The following PML variants were observed in gnomAD, a reference collection of about 807,000 sequenced individuals.
PML encodes the protein protein PML.
In PML, 28 loss-of-function variants were observed where a neutral mutation model predicts 65.2. That is an observed-to-expected ratio of 0.43 (90% CI 0.32 to 0.59). PML has a LOEUF of 0.59. Among genes scored for constraint, PML ranks in the 20% least tolerant of loss-of-function variants. PML has a pLI of 0.08. For missense variants in PML, 1,021 were observed against 1,203.4 expected (o/e 0.85, Z 2.24); for synonymous variants, 500 against 508.8 (o/e 0.98, Z 0.23).
chr15:74,033,275 G>C lies in PML; in HGVS notation c.1518G>C (p.Pro506=), dbSNP rs377287687. 15 of 1,614,188 alleles carry C rather than the reference G, an allele frequency of 9.3e-6. No individual in the cohort carries two copies. Among genetic ancestry groups the C allele is most frequent in the Non-Finnish European group, 1.2e-5 (14 of 1,180,014 alleles). ...GKEARLARSS[P]EQPRPSTSKA... ...AGGCAAGGTTGGCTCGGAGCTCCCC[G>C]GAGCAGCCCAGGCCCAGCACCTCCA... The change falls in exon 6 of 9, where the codon CCG becomes CCC. Residue 506 remains proline, a synonymous_variant. Transcript: ENST00000268058.
intron 2 of PML, among the ~76,000 whole-genome samples, chr15:74,011,791 G>A (rs78931175): frequency 1.3e-5 from 2 of 152,326 alleles, no homozygotes; most frequent in African/African-American, 4.8e-5. Context: ...CAAACAAGGC[G>A]AGAGGCCAGA....
intron 7 of PML, among the ~76,000 whole-genome samples, chr15:74,039,954 G>A (rs564884088): frequency 6.6e-6 from 1 of 152,260 alleles, no homozygotes; most frequent in Admixed American, 6.5e-5. Context: ...TGGGACGACT[G>A]TTAGACCTGC....
In PML at chr15:73,994,890, C is replaced by A; in HGVS notation, c.78C>A (p.Pro26=). The part of the protein sequence containing the change: ...ARPQEPTMPP[P]ETPSEGRQPS... ...CCCAGGAGCCCACCATGCCTCCCCC[C>A]GAGACCCCCTCTGAAGGCCGCCAGC... The change falls in exon 1 of 9, where the codon CCC becomes CCA. Residue 26 remains proline, a synonymous_variant. Transcript: ENST00000268058. The A allele has an allele frequency of 6.4e-7, 1 of 1,552,336 alleles. No homozygotes were observed. The highest frequency in any genetic ancestry group is 8.7e-7 in the Non-Finnish European group (1 of 1,147,042).
chr15:74,034,553 C>T, intron 7 of PML, 23 bp downstream of exon 7: 2 of 1,614,180 alleles, frequency 1.2e-6, no homozygotes, highest in Non-Finnish European at 1.7e-6. Flanking sequence ...GAAGTTCAGC[C>T]CAGGACTCCT....
intron 2 of PML, among the ~76,000 whole-genome samples, chr15:74,021,204 G>T (rs970261702): frequency 6.6e-6 from 1 of 152,184 alleles, no homozygotes; most frequent in African/African-American, 2.4e-5. Context: ...CCACTGGATT[G>T]TCAGGAGGAT....
intron 2 of PML, among the ~76,000 whole-genome samples, chr15:74,014,182 G>C (rs1380439633): frequency 6.6e-6 from 1 of 152,196 alleles, no homozygotes; most frequent in Admixed American, 6.5e-5. Context: ...AGGCCTCTTA[G>C]GACATCGTGC....
intron 3 of PML, among the ~76,000 whole-genome samples, chr15:74,024,567 A>G (rs1045448513): frequency 6.6e-6 from 1 of 152,240 alleles, no homozygotes; most frequent in Admixed American, 6.5e-5. Flanking sequence ...GCGCACACTT[A>G]GCCTTGCTGT....
intron 2 of PML, among the ~76,000 whole-genome samples, chr15:74,015,349 A>G (rs537455368): frequency 1.3e-5 from 2 of 152,308 alleles, no homozygotes; most frequent in South Asian, 4.1e-4. Flanking sequence ...GGATCCTTTT[A>G]ACTGTAGTTA....
chr15:74,039,709 C>T (rs946683812), intron 7 of PML, among the ~76,000 whole-genome samples: 7 of 152,198 alleles, frequency 4.6e-5, no homozygotes, highest in Non-Finnish European at 1.0e-4. Context: ...TTTCTTAAAG[C>T]TATGAATGCC....
At chr15:74,007,219 T>G (rs543045455) in intron 2 of PML, among the ~76,000 whole-genome samples, 2 of 152,372 alleles carry the variant, frequency 1.3e-5, no homozygotes, top group Admixed American at 1.3e-4. Context: ...AAAGAGTTTC[T>G]GTTTTTAGTC....
chr15:74,002,389 T>TTGTG (rs34664992), intron 2 of PML, among the ~76,000 whole-genome samples: 1,826 of 146,116 alleles, frequency 0.012, 33 homozygotes, highest in African/African-American at 0.041. Context: ...GTTCTAGTGC[T>TTGTG]TGTGTGTGTG....
rs767593867 is a variant in PML at position 74,044,531 on chromosome 15, C to A, written c.2172C>A (p.Phe724Leu). The A allele has an allele frequency of 6.2e-7, 1 of 1,613,760 alleles. No homozygotes were observed. Among genetic ancestry groups the A allele is most frequent in the Admixed American group, 1.7e-5 (1 of 60,018 alleles). ...IRERVPGASS[F>L]KLKNLAQTYL... Reference sequence around the variant, plus strand: ...AGCGTGTGCCCGGGGCCAGCAGCTTCAAACTCAAGAACCTGGCCCAGACCT... The same window carrying A: ...AGCGTGTGCCCGGGGCCAGCAGCTTAAAACTCAAGAACCTGGCCCAGACCT... The change falls in exon 9 of 9, where the codon TTC becomes TTA. Residue 724 changes from phenylalanine (F) to leucine (L), a missense_variant. Phe to Leu is a conservative substitution (Grantham distance 22). Transcript: ENST00000268058.
intron 7 of PML, among the ~76,000 whole-genome samples, chr15:74,041,809 G>A (rs1358687790): frequency 6.6e-6 from 1 of 152,222 alleles, no homozygotes; most frequent in Admixed American, 6.5e-5. Flanking sequence ...TTAGCCAGAG[G>A]CCAGAATTAA....
At chr15:74,017,562 T>C (rs1341219324) in intron 2 of PML, among the ~76,000 whole-genome samples, 1 of 152,016 alleles carries the variant, frequency 6.6e-6, no homozygotes, top group African/African-American at 2.4e-5. Flanking sequence ...GGCAGGAGAA[T>C]CGCTTGAACC....
At position 74,037,696 on chromosome 15, in the gene PML, T is replaced by C. The variant is rs2071602907; in HGVS notation, c.1710+3166T>C. Reference sequence around the variant, plus strand: ...GACCGGCGCTGGGCCCGGTCTTTCCTGGAAAGATCGCCTGCTCGGATGCAG... The same window carrying C: ...GACCGGCGCTGGGCCCGGTCTTTCCCGGAAAGATCGCCTGCTCGGATGCAG... On this transcript the variant is annotated intron_variant, in intron 7 of 8. Transcript: ENST00000268058. This position sits in a 1 kb window ranked among gnomAD's most constrained non-coding sequence, Gnocchi z 4.2. 4.1e-6 allele frequency: 4 copies of C among 985,296 alleles called. No individual in the cohort carries two copies. In the African/African-American group the frequency reaches 5.2e-5, roughly 13 times the overall value. 61.0% of individuals were successfully genotyped at this position (985,296 alleles called of 1,614,324 possible). A position where few individuals can be genotyped will look rare whatever the true frequency, so the allele number is the denominator to read the frequency against.
intron 6 of PML, chr15:74,034,180 G>A: frequency 2.0e-6 from 1 of 489,414 alleles, no homozygotes; most frequent in Non-Finnish European, 3.8e-6. Flanking sequence ...TTCCAGACCA[G>A]GTAGCAGTTG....
chr15:74,023,661 C>T (rs1310908619), intron 3 of PML, among the ~76,000 whole-genome samples: 1 of 152,150 alleles, frequency 6.6e-6, no homozygotes, highest in Non-Finnish European at 1.5e-5. Flanking sequence ...AGCGATGACT[C>T]ATGGGGAACA....
chr15:74,022,749 A>C, intron 2 of PML, 79 bp from the exon 3 acceptor site: 1 of 1,126,562 alleles, frequency 8.9e-7, no homozygotes, highest in Non-Finnish European at 1.3e-6. Context: ...GTATTTTTGG[A>C]AGAGGAATTT....
chr15:74,009,888 C>A (rs984961630), intron 2 of PML, among the ~76,000 whole-genome samples: 1 of 152,218 alleles, frequency 6.6e-6, no homozygotes, highest in African/African-American at 2.4e-5. Context: ...AAGCCAAGAT[C>A]AGGATTAGGG....
Sources: allele counts gnomAD v4.1 joint callset (sites outside exome capture counted in the v4.1 genomes callset), GRCh38; gene constraint gnomAD v4.1.1; non-coding constraint Gnocchi (gnomAD v3.1); transcripts MANE v1.5; gene names NCBI Gene and HGNC (gene_info 2026-07-23, HGNC 2026-07-21).